RERE: variants seen among roughly 807,000 people sequenced by gnomAD.
The protein encoded by RERE is arginine-glutamic acid dipeptide repeats, also known as arginine-glutamic acid dipeptide repeats protein.
A neutral mutation model predicts 146.1 loss-of-function variants in RERE; 40 were observed. That is an observed-to-expected ratio of 0.27 (90% confidence interval 0.21 to 0.36). The LOEUF (loss-of-function observed/expected upper bound fraction) is 0.36. Ranked by LOEUF, RERE falls within the 10% of genes least tolerant of loss-of-function variation. The pLI, the probability that RERE is intolerant of heterozygous loss-of-function variation, is 1.00. For missense variants in RERE, 1,933 were observed against 2,138.7 expected, an observed-to-expected ratio of 0.90 and a Z score of 1.90; for synonymous variants, 1,003 against 866.0, an observed-to-expected ratio of 1.16 and a Z score of -2.78.
At chr1:8,458,780 A>T (rs1644486804) in intron 11 of RERE, among the ~76,000 whole-genome samples, 1 of 152,240 alleles carries the variant, frequency 6.6e-6, no homozygotes, top group African/African-American at 2.4e-5. Flanking sequence ...ATAAAGAGGA[A>T]GCCTAGAAAG....
intron 4 of RERE, among the ~76,000 whole-genome samples, chr1:8,562,194 T>C (rs773396145): frequency 6.6e-6 from 1 of 152,198 alleles, no homozygotes; most frequent in Non-Finnish European, 1.5e-5. Context: ...TTTTCTAAGA[T>C]TCAAAATTAT....
chr1:8,811,553 A>G (rs1641810708), intron 1 of RERE, among the ~76,000 whole-genome samples: 2 of 152,182 alleles, frequency 1.3e-5, no homozygotes, highest in African/African-American at 4.8e-5. Flanking sequence ...GGCTGCAGTG[A>G]GCTATGCTCA....
chr1:8,385,886 G>A (rs11121177), intron 12 of RERE, among the ~76,000 whole-genome samples: 31,820 of 143,056 alleles, frequency 0.22, 4,002 homozygotes, highest in African/African-American at 0.33. Flanking sequence ...GGAGAATGGC[G>A]TGAACCCGGG....
rs1229487943 is a variant in RERE, at chr1:8,593,962, C to A, written c.522+20599G>T. On this transcript the variant is annotated intron_variant, in intron 4 of 22. Coordinates refer to ENST00000400908, the MANE Select transcript of RERE (RefSeq NM_001042681.2). ...CACTCTACCAACCCGGGGCAGCACA[C>A]CCTGAAAACACCTCATTTTATATGA... Among the ~76,000 whole-genome samples the A allele has an allele frequency of 3.9e-5, 6 of 152,188 alleles. No individual in the cohort carries two copies. The East Asian group carries it at 5.8e-4, about 15-fold the overall frequency.
At chr1:8,520,755 A>T (rs865781600) in intron 7 of RERE, among the ~76,000 whole-genome samples, 170 of 142,248 alleles carry the variant, frequency 1.2e-3, no homozygotes, top group South Asian at 2.0e-3. Context: ...AAAACTTTTT[A>T]AAAAAAAAAA....
Position 8,656,319 on chromosome 1 carries a change from T to C in RERE, c.-22A>G. ...TCATGATTCGCCACGTGCCTTCTTC[T>C]GTCCTCTCACGGCTAGGCCTCCGTG... On this transcript the variant is annotated 5_prime_UTR_variant, in exon 2 of 23. Transcript: ENST00000400908. The C allele has an allele frequency of 6.2e-7, 1 of 1,607,146 alleles. No individual in the cohort carries two copies. The highest frequency in any genetic ancestry group is 8.5e-7 in the Non-Finnish European group (1 of 1,176,390).
chr1:8,652,520 T>C (rs1169683348), intron 2 of RERE, among the ~76,000 whole-genome samples: 2 of 152,202 alleles, frequency 1.3e-5, no homozygotes, highest in African/African-American at 2.4e-5. Flanking sequence ...GACTGGGTTA[T>C]TTATAAAGGA....
chr1:8,787,657 C>T (rs1303063699), intron 1 of RERE, among the ~76,000 whole-genome samples: 1 of 151,838 alleles, frequency 6.6e-6, no homozygotes, highest in East Asian at 1.9e-4. Context: ...ATGGTGAAAC[C>T]TCGTCTCTAC....
chr1:8,373,007 CCGAAGCTATTTCACAGGTCTT>C (rs1214226672), intron 12 of RERE, among the ~76,000 whole-genome samples: 3 of 152,318 alleles, frequency 2.0e-5, no homozygotes, highest in Non-Finnish European at 4.4e-5. Flanking sequence ...CAATTTCTTT[CCGAAGCTATTTCACAGGTCTT>C]CGAAGCCCAC....
chr1:8,427,070 G>A (rs1644024570), intron 11 of RERE, among the ~76,000 whole-genome samples: 1 of 152,096 alleles, frequency 6.6e-6, no homozygotes, highest in Non-Finnish European at 1.5e-5. Context: ...TGCCCAGGCT[G>A]GTCTCAAACT....
intron 11 of RERE, among the ~76,000 whole-genome samples, chr1:8,440,003 G>C (rs996138336): frequency 6.6e-6 from 1 of 152,160 alleles, no homozygotes; most frequent in Admixed American, 6.5e-5. Context: ...CAACCCGGGA[G>C]GCAGAGGTTG....
intron 1 of RERE, among the ~76,000 whole-genome samples, chr1:8,778,706 T>C (rs1467884263): frequency 6.6e-6 from 1 of 151,968 alleles, no homozygotes; most frequent in Non-Finnish European, 1.5e-5. Context: ...TGTGGTGGCA[T>C]GTGCCTGTAG....
chr1:8,532,780 G>A (rs1212402767), intron 7 of RERE, among the ~76,000 whole-genome samples: 1 of 152,124 alleles, frequency 6.6e-6, no homozygotes, highest in Non-Finnish European at 1.5e-5. Flanking sequence ...ATTATTAGTA[G>A]AGACGGGGTT....
chr1:8,654,236 T>G (rs1188379085), intron 2 of RERE, among the ~76,000 whole-genome samples: 3 of 152,056 alleles, frequency 2.0e-5, no homozygotes, highest in Non-Finnish European at 4.4e-5. Context: ...ACGGTCTCAC[T>G]ATGTTGCCCA....
intron 11 of RERE, chr1:8,434,613 G>T (rs1456773288): frequency 1.3e-5 from 2 of 152,190 alleles, no homozygotes; most frequent in East Asian, 3.8e-4. Flanking sequence ...GTAGACCTTT[G>T]TAACTGTCTT....
chr1:8,719,294 C>T (rs1336420537), intron 1 of RERE, among the ~76,000 whole-genome samples: 2 of 152,184 alleles, frequency 1.3e-5, no homozygotes, highest in African/African-American at 4.8e-5. Context: ...TGGAGCCACA[C>T]AGCAGCTGGG....
At chr1:8,501,039 G>T (rs1449422299) in intron 8 of RERE, among the ~76,000 whole-genome samples, 3 of 139,298 alleles carry the variant, frequency 2.2e-5, no homozygotes, top group Admixed American at 6.8e-5. Flanking sequence ...GGAGGGGGGG[G>T]GGGGGTCAGC....
At chr1:8,465,770 G>A in intron 11 of RERE, 155 bp downstream of exon 11, 1 of 699,784 alleles carries the variant, frequency 1.4e-6, no homozygotes, top group East Asian at 2.7e-5. Context: ...ACAATTAAGG[G>A]GCTGAAGGGC....
In RERE at chr1:8,780,890, C is replaced by T. The variant is rs144695915; in HGVS notation, c.-145+36270G>A. Among the ~76,000 whole-genome samples, 688 of 152,306 alleles carry T rather than the reference C, an allele frequency of 4.5e-3. 6 individuals are homozygous for T. Among genetic ancestry groups the T allele is most frequent in the Non-Finnish European group, 7.7e-3 (522 of 68,028 alleles). ...CAACACCTACCTACACCTCACTTCT[C>T]TGCCCCACACTCACAAACTTTATTA... is the stretch of plus-strand genomic sequence containing the variant. On this transcript the variant is annotated intron_variant, in intron 1 of 22. Transcript: ENST00000400908.
Sources: allele counts gnomAD v4.1 joint callset (sites outside exome capture counted in the v4.1 genomes callset), GRCh38; gene constraint gnomAD v4.1.1; transcripts MANE v1.5; gene names NCBI Gene and HGNC (gene_info 2026-07-23, HGNC 2026-07-21).